RAB3B: variants seen among roughly 807,000 people sequenced by gnomAD.
RAB3B encodes the protein ras-related protein Rab-3B.
A neutral mutation model predicts 20.5 loss-of-function variants in RAB3B; 11 were observed. The ratio of observed to expected loss-of-function variants is 0.54; its 90% CI spans 0.34 to 0.89. The LOEUF (loss-of-function observed/expected upper bound fraction) is 0.89. Ranked by LOEUF, RAB3B falls within the 40% of genes least tolerant of loss-of-function variation. RAB3B has a pLI of 0.02. For missense variants in RAB3B, 225 were observed against 280.9 expected (o/e 0.80, Z 1.42); for synonymous variants, 99 against 106.3 (o/e 0.93, Z 0.42).
chr1:51,947,147 G>A (rs922268480), intron 2 of RAB3B, among the ~76,000 whole-genome samples: 2 of 152,142 alleles, frequency 1.3e-5, no homozygotes, highest in African/African-American at 4.8e-5. Context: ...AGTAATCCCA[G>A]CACTTTGGGA....
chr1:51,957,334 T>C (rs1159390140), intron 2 of RAB3B, among the ~76,000 whole-genome samples: 4 of 152,230 alleles, frequency 2.6e-5, no homozygotes, highest in Non-Finnish European at 5.9e-5. Flanking sequence ...CTCTTAAAAT[T>C]ACCCTCATTC....
At chr1:51,986,627 A>T (rs1314861149) in intron 1 of RAB3B, among the ~76,000 whole-genome samples, 2 of 152,028 alleles carry the variant, frequency 1.3e-5, no homozygotes, top group Non-Finnish European at 2.9e-5. Flanking sequence ...AATAAAAATT[A>T]AAAAAAAGAA....
At chr1:51,976,834 T>C in intron 2 of RAB3B, 56 bp downstream of exon 2, 3 of 1,507,402 alleles carry the variant, frequency 2.0e-6, no homozygotes, top group Non-Finnish European at 2.8e-6. Flanking sequence ...TAAGCCCTTG[T>C]ACTGGCAGGC....
rs554752156 is a variant in RAB3B, at chr1:51,972,114, G to T, written c.228+4776C>A. Among the ~76,000 whole-genome samples the T allele has an allele frequency of 1.4e-4, 22 of 152,290 alleles. No individual in the cohort carries two copies. In the East Asian group the frequency reaches 3.9e-3, roughly 27 times the overall value. On this transcript the variant is annotated intron_variant, in intron 2 of 4. Transcript: ENST00000371655. ...TGCTTGAACCCGGGAGGTGGAGGTT[G>T]CAGTGAGCTGAGCTCATGCCATTGC... is the stretch of plus-strand genomic sequence containing the variant.
At chr1:51,987,105 G>A (rs187807428) in intron 1 of RAB3B, among the ~76,000 whole-genome samples, 3 of 152,338 alleles carry the variant, frequency 2.0e-5, no homozygotes, top group Admixed American at 6.5e-5. Context: ...AAGGGTGGCT[G>A]TGAAAAACAA....
intron 2 of RAB3B, among the ~76,000 whole-genome samples, chr1:51,951,262 G>A (rs1479966119): frequency 6.6e-6 from 1 of 151,950 alleles, no homozygotes; most frequent in East Asian, 1.9e-4. Context: ...CAGGTAATGA[G>A]CATAGTACCC....
At chr1:51,926,039 A>G (rs887433480) in intron 4 of RAB3B, among the ~76,000 whole-genome samples, 3 of 152,186 alleles carry the variant, frequency 2.0e-5, no homozygotes, top group Admixed American at 1.3e-4. Flanking sequence ...ACCTGCCAAT[A>G]TCTTCCTTTG....
At chr1:51,925,747 A>G (rs1262133311) in intron 4 of RAB3B, among the ~76,000 whole-genome samples, 2 of 152,192 alleles carry the variant, frequency 1.3e-5, no homozygotes, top group Non-Finnish European at 2.9e-5. Flanking sequence ...CTGTACTCTC[A>G]TGGCACTTTG....
intron 3 of RAB3B, among the ~76,000 whole-genome samples, chr1:51,934,393 C>T (rs1169515423): frequency 6.6e-6 from 1 of 152,152 alleles, no homozygotes; most frequent in East Asian, 1.9e-4. Flanking sequence ...ATAAACCTTC[C>T]CTGAAGCCTC....
rs1222319690 is a variant in RAB3B, at chr1:51,915,624, A to C, written c.*4303T>G. On this transcript the variant is annotated 3_prime_UTR_variant, in exon 5 of 5. Coordinates refer to ENST00000371655, the MANE Select transcript of RAB3B (RefSeq NM_002867.4). Reference sequence around the variant, plus strand: ...ATTTAAAATAGATGTAAATAAACACAATACTGTATTGCACTTTTGGCCACT... The same window carrying C: ...ATTTAAAATAGATGTAAATAAACACCATACTGTATTGCACTTTTGGCCACT... The C allele has an allele frequency of 6.6e-6, 1 of 152,192 alleles. No individual in the cohort carries two copies. Among genetic ancestry groups the C allele is most frequent in the Non-Finnish European group, 1.5e-5 (1 of 68,046 alleles). The allele number at this position is 152,192 out of a possible 1,614,324, so 9.4% of individuals were successfully genotyped here.
chr1:51,920,964 C>T (rs1684165064), intron 4 of RAB3B, among the ~76,000 whole-genome samples: 1 of 152,194 alleles, frequency 6.6e-6, no homozygotes, highest in Non-Finnish European at 1.5e-5. Context: ...CCAGGGAAAA[C>T]TACATCTCAG....
At chr1:51,935,401 C>T (rs1374146128) in intron 3 of RAB3B, among the ~76,000 whole-genome samples, 2 of 152,158 alleles carry the variant, frequency 1.3e-5, no homozygotes. Flanking sequence ...GAGACTGAGA[C>T]CAAGTTACCC....
rs934296537 is a variant in RAB3B at position 51,908,262 on chromosome 1, G to A, written c.*11665C>T. On this transcript the variant is annotated 3_prime_UTR_variant, in exon 5 of 5. Transcript: ENST00000371655. Reference sequence around the variant, plus strand: ...GCTTAGTTAGAATCTGATGAGGAGAGACGTGAGAGCTATTGTTCCTCTCTC... The same window carrying A: ...GCTTAGTTAGAATCTGATGAGGAGAAACGTGAGAGCTATTGTTCCTCTCTC... The A allele has an allele frequency of 6.6e-6, 1 of 152,068 alleles. No homozygotes were observed. The highest frequency in any genetic ancestry group is 2.4e-5 in the African/African-American group (1 of 41,422). 9.4% of individuals were successfully genotyped at this position (152,068 alleles called of 1,614,324 possible). A position where few individuals can be genotyped will look rare whatever the true frequency, so the allele number is the denominator to read the frequency against.
intron 4 of RAB3B, among the ~76,000 whole-genome samples, chr1:51,925,419 CTT>C (rs1684231089): frequency 6.6e-6 from 1 of 152,152 alleles, no homozygotes; most frequent in African/African-American, 2.4e-5. Context: ...GTCCCTATAA[CTT>C]GAGCTATTTT....
intron 1 of RAB3B, among the ~76,000 whole-genome samples, chr1:51,987,508 A>G (rs1685167945): frequency 6.6e-6 from 1 of 152,198 alleles, no homozygotes; most frequent in Non-Finnish European, 1.5e-5. Flanking sequence ...TCTGTGCTTC[A>G]TGGTTTCTTC....
At chr1:51,959,578 C>T (rs1684758833) in intron 2 of RAB3B, among the ~76,000 whole-genome samples, 1 of 152,032 alleles carries the variant, frequency 6.6e-6, no homozygotes, top group African/African-American at 2.4e-5. Flanking sequence ...GAGGAAACAA[C>T]CTGGGCAAGG....
chr1:51,980,059 C>T (rs1241357749), intron 1 of RAB3B, among the ~76,000 whole-genome samples: 1 of 151,950 alleles, frequency 6.6e-6, no homozygotes, highest in African/African-American at 2.4e-5. Context: ...AAAAAATTAA[C>T]TGACATCCCA....
At chr1:51,950,765 A>G (rs1005546081) in intron 2 of RAB3B, among the ~76,000 whole-genome samples, 1 of 152,172 alleles carries the variant, frequency 6.6e-6, no homozygotes, top group Non-Finnish European at 1.5e-5. Context: ...GATGGGGATG[A>G]TGAGCACCAG....
intron 2 of RAB3B, among the ~76,000 whole-genome samples, chr1:51,941,936 C>A (rs1485320342): frequency 6.6e-6 from 1 of 152,196 alleles, no homozygotes; most frequent in Non-Finnish European, 1.5e-5. Context: ...ACATTTAACA[C>A]TGGAAATCTT....
Sources: gnomAD v4.1 joint callset for allele counts (sites outside exome capture counted in the v4.1 genomes callset) on GRCh38, gnomAD v4.1.1 for gene constraint, MANE v1.5 for transcripts, NCBI Gene and HGNC (gene_info 2026-07-23, HGNC 2026-07-21) for gene names.